The following PTBP3 variants were observed in gnomAD, a reference collection of about 807,000 sequenced individuals.
The protein encoded by PTBP3 is polypyrimidine tract-binding protein 3.
In PTBP3, 20 loss-of-function variants were observed where a neutral mutation model predicts 58.7. The observed-to-expected ratio is 0.34, with a 90% CI of 0.24 to 0.50. The LOEUF (loss-of-function observed/expected upper bound fraction) is 0.50. PTBP3 is among the 20% of genes least tolerant of loss of function. PTBP3 has a pLI of 0.98. For synonymous variants in PTBP3, 185 were observed against 219.8 expected, an observed-to-expected ratio of 0.84 and a Z score of 1.40; for missense variants, 509 against 637.2, an observed-to-expected ratio of 0.80 and a Z score of 2.17.
chr9:112,296,585 C>G (rs556182796), intron 2 of PTBP3, among the ~76,000 whole-genome samples: 42 of 152,126 alleles, frequency 2.8e-4, no homozygotes, highest in Non-Finnish European at 3.8e-4. Context: ...ACCCTCCCTT[C>G]TCTGAAACTC....
At chr9:112,359,739 GT>G in the PTBP3 span, among the ~76,000 whole-genome samples, 1 of 152,038 alleles carries the variant, frequency 6.6e-6, no homozygotes. Context: ...GGAGGCGGAG[GT>G]TGCCGGGAGG....
chr9:112,223,416 C>G lies in PTBP3; in HGVS notation c.*435G>C. ...GACTTCTGATTCATAAGGTTAATAA[C>G]TTGGTCATAAGTGATTTAAATTACT... On this transcript the variant is annotated 3_prime_UTR_variant, in exon 14 of 14. Transcript: ENST00000374257. The G allele has an allele frequency of 1.1e-6, 1 of 928,388 alleles. No individual in the cohort carries two copies. Among genetic ancestry groups the G allele is most frequent in the South Asian group, 4.9e-5 (1 of 20,530 alleles). 57.5% of individuals were successfully genotyped at this position (928,388 alleles called of 1,614,324 possible).
chr9:112,332,884 C>T, intron 1 of PTBP3: 1 of 1,606,628 alleles, frequency 6.2e-7, no homozygotes, highest in Non-Finnish European at 8.5e-7. Flanking sequence ...AAAGCGTTAA[C>T]GTATCTCACA....
At chr9:112,320,291 A>AAAAATATATATATAT (rs1411646280) in intron 1 of PTBP3, among the ~76,000 whole-genome samples, 5 of 73,528 alleles carry the variant, frequency 6.8e-5, no homozygotes, top group African/African-American at 3.6e-4. Flanking sequence ...AAAAAAAAAA[A>AAAAATATATATATAT]ATATATATAT....
intron 1 of PTBP3, among the ~76,000 whole-genome samples, chr9:112,326,760 C>A (rs1830171890): frequency 6.6e-6 from 1 of 152,132 alleles, no homozygotes; most frequent in Non-Finnish European, 1.5e-5. Context: ...TTAAAATAAG[C>A]CAGCCAGTTA....
chr9:112,358,452 T>G, the PTBP3 span, among the ~76,000 whole-genome samples: 4 of 152,208 alleles, frequency 2.6e-5, no homozygotes, highest in Non-Finnish European at 5.9e-5. Flanking sequence ...ATGTCAATAG[T>G]GCCACGGCTG....
At chr9:112,256,211 G>A (rs1836340871) in intron 5 of PTBP3, among the ~76,000 whole-genome samples, 5 of 145,282 alleles carry the variant, frequency 3.4e-5, no homozygotes, top group Admixed American at 2.8e-4. Flanking sequence ...CTGAAATCGG[G>A]CCATTGCACT....
At chr9:112,239,136 G>A (rs1245012552) in intron 7 of PTBP3, among the ~76,000 whole-genome samples, 1 of 152,184 alleles carries the variant, frequency 6.6e-6, no homozygotes, top group Non-Finnish European at 1.5e-5. Flanking sequence ...GTAAGAAAAG[G>A]TACAGCTATT....
At chr9:112,351,823 G>A in the PTBP3 span, among the ~76,000 whole-genome samples, 37 of 152,066 alleles carry the variant, frequency 2.4e-4, no homozygotes, top group African/African-American at 8.9e-4. Context: ...CCTCATCAAT[G>A]TGGGGGTTTT....
At chr9:112,249,550 A>T (rs1387571088) in intron 7 of PTBP3, among the ~76,000 whole-genome samples, 1 of 152,126 alleles carries the variant, frequency 6.6e-6, no homozygotes, top group African/African-American at 2.4e-5. Context: ...CACACAATAT[A>T]TAAAGTGCAT....
rs760710091 is a variant in PTBP3 at position 112,223,830 on chromosome 9, G to A, written c.*21C>T. On this transcript the variant is annotated 3_prime_UTR_variant, in exon 14 of 14. Coordinates refer to ENST00000374257, the MANE Select transcript of PTBP3 (RefSeq NM_001163788.4). ...TTACTGAAATTATGGTCCAGTTTTA[G>A]GAGAAAAATTCACAGAAAAGTCAGA... 6.2e-7 allele frequency: 1 copy of A among 1,613,164 alleles called. No homozygotes were observed. The highest frequency in any genetic ancestry group is 1.7e-5 in the Admixed American group (1 of 59,950).
chr9:112,315,224 T>C (rs1012841686), intron 1 of PTBP3, among the ~76,000 whole-genome samples: 2 of 150,134 alleles, frequency 1.3e-5, no homozygotes, highest in African/African-American at 4.9e-5. Flanking sequence ...ATGTTTAACA[T>C]AAAACAAACT....
At chr9:112,255,653 A>AT (rs1564409255) in intron 5 of PTBP3, among the ~76,000 whole-genome samples, 1 of 152,122 alleles carries the variant, frequency 6.6e-6, no homozygotes, top group East Asian at 1.9e-4. Context: ...TTCATATAAC[A>AT]TAACACTCTT....
chr9:112,276,449 C>T (rs1025542516), intron 2 of PTBP3, among the ~76,000 whole-genome samples: 3 of 152,112 alleles, frequency 2.0e-5, no homozygotes, highest in African/African-American at 7.2e-5. Flanking sequence ...GTATTTATCA[C>T]ATCCTAAGGA....
intron 1 of PTBP3, among the ~76,000 whole-genome samples, chr9:112,319,279 T>A (rs2132431609): frequency 6.6e-6 from 1 of 152,024 alleles, no homozygotes; most frequent in East Asian, 1.9e-4. Flanking sequence ...AGCCCACACC[T>A]GTAATCCCAG....
rs1834853178 is a variant in PTBP3 at position 112,222,881 on chromosome 9, AT to A, written c.*969del. 3.4e-6 allele frequency: 3 copies of A among 885,462 alleles called. No individual in the cohort carries two copies. Among genetic ancestry groups the A allele is most frequent in the Non-Finnish European group, 4.1e-6 (3 of 738,708 alleles). The allele number at this position is 885,462 out of a possible 1,614,324, so 54.9% of individuals were successfully genotyped here. A position where few individuals can be genotyped will look rare whatever the true frequency, so the allele number is the denominator to read the frequency against. ...GTGGTACAAAAAACCCTTGAGATTAATTTTTTTCTAAAAGAAGACCTTACCA... is the reference window on the plus strand; with the variant it reads ...GTGGTACAAAAAACCCTTGAGATTAATTTTTTCTAAAAGAAGACCTTACCA... On this transcript the variant is annotated 3_prime_UTR_variant, in exon 14 of 14. Transcript: ENST00000374257.
chr9:112,276,094 A>T (rs1343003810), intron 2 of PTBP3, 81 bp from the exon 3 acceptor site: 36 of 1,319,628 alleles, frequency 2.7e-5, no homozygotes, highest in Non-Finnish European at 3.8e-5. Context: ...GTCACATTTA[A>T]TCCTAAATGA....
At chr9:112,277,803 G>A (rs552104203) in intron 2 of PTBP3, among the ~76,000 whole-genome samples, 154 of 152,118 alleles carry the variant, frequency 1.0e-3, no homozygotes, top group Non-Finnish European at 1.6e-3. Flanking sequence ...TTGAACCCAG[G>A]AGGAGGAGAC....
rs1834769707 is a variant in PTBP3 at position 112,220,472 on chromosome 9, G to A, written c.*3379C>T. 9.2e-7 allele frequency: 1 copy of A among 1,084,514 alleles called. No individual in the cohort carries two copies. The highest frequency in any genetic ancestry group is 1.1e-6 in the Non-Finnish European group (1 of 885,572). The allele number at this position is 1,084,514 out of a possible 1,614,324, so 67.2% of individuals were successfully genotyped here. A position where few individuals can be genotyped will look rare whatever the true frequency, so the allele number is the denominator to read the frequency against. ...AACAGAACCCATGATTATCATACTA[G>A]GTGGAGCCAAAGAAGGCCTCACTGT... On this transcript the variant is annotated 3_prime_UTR_variant, in exon 14 of 14. Transcript: ENST00000374257.
Sources: gnomAD v4.1 joint callset for allele counts (sites outside exome capture counted in the v4.1 genomes callset) on GRCh38, gnomAD v4.1.1 for gene constraint, MANE v1.5 for transcripts, NCBI Gene and HGNC (gene_info 2026-07-23, HGNC 2026-07-21) for gene names.